The following AFG2A variants were observed in gnomAD, a reference collection of about 807,000 sequenced individuals.
The protein encoded by AFG2A is ATPase family gene 2 protein homolog A.
At chr4:123,281,375 AG>A in the AFG2A span, among the ~76,000 whole-genome samples, 1 of 152,218 alleles carries the variant, frequency 6.6e-6, no homozygotes, top group Non-Finnish European at 1.5e-5. Flanking sequence ...CACTGGATAA[AG>A]GGGGAAAAAA....
the AFG2A span, among the ~76,000 whole-genome samples, chr4:123,273,196 G>A: frequency 6.6e-6 from 1 of 152,078 alleles, no homozygotes; most frequent in Non-Finnish European, 1.5e-5. Flanking sequence ...TCTTTATTTT[G>A]TATTACTGAA....
chr4:123,001,975 A>C, the AFG2A span, among the ~76,000 whole-genome samples: 3 of 152,116 alleles, frequency 2.0e-5, no homozygotes, highest in Non-Finnish European at 4.4e-5. Flanking sequence ...TTGCTTTATG[A>C]ATCTGGGTGC....
the AFG2A span, among the ~76,000 whole-genome samples, chr4:123,164,680 G>C: frequency 6.6e-6 from 1 of 152,136 alleles, no homozygotes; most frequent in Non-Finnish European, 1.5e-5. Flanking sequence ...TCTAATTGAA[G>C]TCTCTATGCC....
the AFG2A span, among the ~76,000 whole-genome samples, chr4:123,086,147 T>C: frequency 1.3e-5 from 2 of 152,172 alleles, no homozygotes; most frequent in Non-Finnish European, 2.9e-5. Context: ...TCTCTTTCTT[T>C]ATATAGATCA....
the AFG2A span, among the ~76,000 whole-genome samples, chr4:123,189,850 T>TGTCACCCA: frequency 6.6e-5 from 9 of 137,272 alleles, no homozygotes; most frequent in East Asian, 2.1e-3. Context: ...AGGGTCTTGC[T>TGTCACCCA]GTCACCCAGG....
chr4:123,285,689 C>T, the AFG2A span, among the ~76,000 whole-genome samples: 1 of 152,160 alleles, frequency 6.6e-6, no homozygotes, highest in Admixed American at 6.6e-5. Flanking sequence ...CTTTCCCTCC[C>T]TCATCTGAGC....
the AFG2A span, among the ~76,000 whole-genome samples, chr4:123,309,457 C>T: frequency 6.6e-6 from 1 of 152,192 alleles, no homozygotes; most frequent in Admixed American, 6.5e-5. Flanking sequence ...ACAACCTAAT[C>T]ACCTCCCAAA....
chr4:123,266,980 A>C, the AFG2A span, among the ~76,000 whole-genome samples: 1 of 151,990 alleles, frequency 6.6e-6, no homozygotes, highest in Admixed American at 6.6e-5. Context: ...TTAGGTAATA[A>C]GGCTGAGAAG....
At chr4:123,161,055 G>A in the AFG2A span, among the ~76,000 whole-genome samples, 12 of 152,258 alleles carry the variant, frequency 7.9e-5, no homozygotes, top group East Asian at 1.9e-3. Flanking sequence ...CTGAGTCTAG[G>A]ATGACTTTCT....
chr4:123,260,993 C>T, the AFG2A span, among the ~76,000 whole-genome samples: 3 of 152,152 alleles, frequency 2.0e-5, no homozygotes, highest in African/African-American at 4.8e-5. Context: ...CATAGGAGCA[C>T]GAACCCTATT....
At chr4:122,954,499 C>T in the AFG2A span, among the ~76,000 whole-genome samples, 1 of 152,222 alleles carries the variant, frequency 6.6e-6, no homozygotes, top group South Asian at 2.1e-4. Flanking sequence ...CTCTGCTCCT[C>T]ACTAGAGCTC....
At chr4:123,308,423 G>A in the AFG2A span, among the ~76,000 whole-genome samples, 5 of 152,166 alleles carry the variant, frequency 3.3e-5, no homozygotes, top group African/African-American at 9.7e-5. Flanking sequence ...CAGGCCACAC[G>A]GTAGGAGGTG....
the AFG2A span, among the ~76,000 whole-genome samples, chr4:123,196,740 G>T: frequency 3.3e-5 from 5 of 152,198 alleles, no homozygotes; most frequent in African/African-American, 1.2e-4. Context: ...GTTTGTTACC[G>T]TTTGATAGTA....
At chr4:123,189,501 C>T in the AFG2A span, among the ~76,000 whole-genome samples, 2 of 151,958 alleles carry the variant, frequency 1.3e-5, no homozygotes, top group East Asian at 1.9e-4. Flanking sequence ...ACAGAATCTC[C>T]GTTAACCCTC....
chr4:123,215,729 C>T, the AFG2A span, among the ~76,000 whole-genome samples: 7,596 of 152,162 alleles, frequency 0.05, 252 homozygotes, highest in Middle Eastern at 0.092. Flanking sequence ...ATTCCTAGTG[C>T]CTATTTCCTC....
chr4:122,935,918 T>C, the AFG2A span: 2 of 1,428,172 alleles, frequency 1.4e-6, no homozygotes, highest in Non-Finnish European at 1.9e-6. Context: ...AATGATTGTG[T>C]AGTATTCTGT....
chr4:123,178,878 G>A, the AFG2A span, among the ~76,000 whole-genome samples: 1 of 152,132 alleles, frequency 6.6e-6, no homozygotes, highest in Admixed American at 6.5e-5. Context: ...ACATGCTCCT[G>A]TGCTTCCATC....
chr4:123,162,318 A>G, the AFG2A span, among the ~76,000 whole-genome samples: 8 of 152,266 alleles, frequency 5.3e-5, no homozygotes, highest in African/African-American at 1.7e-4. Context: ...TTAACTCCAT[A>G]TAACAGAACC....
At chr4:123,145,998 C>G in the AFG2A span, among the ~76,000 whole-genome samples, 1 of 151,976 alleles carries the variant, frequency 6.6e-6, no homozygotes, top group Non-Finnish European at 1.5e-5. Context: ...AATTTAATGT[C>G]TAGAATCCTG....
Sources: allele counts gnomAD v4.1 joint callset (sites outside exome capture counted in the v4.1 genomes callset), GRCh38; gene constraint gnomAD v4.1.1; transcripts MANE v1.5; gene names NCBI Gene and HGNC (gene_info 2026-07-23, HGNC 2026-07-21).